TGM6: variants seen among roughly 807,000 people sequenced by gnomAD.
TGM6 encodes protein-glutamine gamma-glutamyltransferase 6.
TGM6 carries 74 observed loss-of-function variants against 77.5 expected under a neutral mutation model. The ratio of observed to expected loss-of-function variants is 0.96; its 90% CI spans 0.79 to 1.16. The LOEUF is 1.16. Among genes scored for constraint, TGM6 ranks in the 50% most tolerant of loss-of-function variants. The pLI is 0.00. For synonymous variants in TGM6, 383 were observed against 378.9 expected (o/e 1.01, Z -0.12); for missense variants, 968 against 940.2 (o/e 1.03, Z -0.39).
chr20:2,396,820 C>A (rs542498371), intron 4 of TGM6, among the ~76,000 whole-genome samples, 196 bp downstream of exon 4: 5 of 152,168 alleles, frequency 3.3e-5, no homozygotes, highest in South Asian at 2.1e-4. Context: ...AGGGGAGGTG[C>A]TTTGGACAAG....
At chr20:2,408,006 A>G (rs2084763246) in intron 9 of TGM6, among the ~76,000 whole-genome samples, 2 of 152,198 alleles carry the variant, frequency 1.3e-5, no homozygotes. Context: ...CGACCAGGGC[A>G]GAAGGTATCA....
intron 1 of TGM6, among the ~76,000 whole-genome samples, chr20:2,381,963 T>C (rs972281550): frequency 5.2e-5 from 7 of 135,084 alleles, no homozygotes; most frequent in Non-Finnish European, 1.1e-4. Context: ...GACCTCAATA[T>C]AGTGAGCAGC....
At position 2,431,042 on chromosome 20, in the gene TGM6, G is replaced by T. The variant is rs2084920806; in HGVS notation, c.1967+15G>T. The T allele has an allele frequency of 1.9e-6, 3 of 1,612,866 alleles. No homozygotes were observed. The highest frequency in any genetic ancestry group is 2.7e-5 in the African/African-American group (2 of 74,690). ...CTCAGCATCGAGTAAGTGCCAGCCT[G>T]GGGGGCTGGCAGGGAATGGGGCTCT... is the stretch of plus-strand genomic sequence containing the variant. On this transcript the variant is annotated intron_variant, in intron 12 of 12. Transcript: ENST00000202625.
intron 9 of TGM6, among the ~76,000 whole-genome samples, chr20:2,415,772 C>T (rs545275555): frequency 2.6e-5 from 4 of 152,116 alleles, no homozygotes; most frequent in Non-Finnish European, 5.9e-5. Context: ...TGCTGCTGCG[C>T]AGTTGGTGGG....
At chr20:2,395,957 G>T (rs532586476) in intron 3 of TGM6, among the ~76,000 whole-genome samples, 5 of 152,136 alleles carry the variant, frequency 3.3e-5, no homozygotes, top group African/African-American at 1.2e-4. Context: ...AAGGCAGGGG[G>T]ATCACCTGAG....
rs1393287173 is a variant in TGM6, at chr20:2,430,556, C to T, written c.1789C>T (p.Leu597=). The T allele has an allele frequency of 1.2e-6, 2 of 1,614,100 alleles. No individual in the cohort carries two copies. Among genetic ancestry groups the T allele is most frequent in the Admixed American group, 3.3e-5 (2 of 60,010 alleles). Residue 597 remains leucine (L), a synonymous_variant, in exon 11 of 13, where the codon CTG becomes TTG. Transcript: ENST00000202625. The part of the protein sequence containing the change: ...MCLVTKGEKL[L]VEKDITLEDF... Reference sequence around the variant, plus strand: ...CCTTGTCACCAAAGGAGAGAAGCTTCTGGTGGAGAAGGACATTACTCTAGA... The same window carrying T: ...CCTTGTCACCAAAGGAGAGAAGCTTTTGGTGGAGAAGGACATTACTCTAGA...
intron 9 of TGM6, among the ~76,000 whole-genome samples, chr20:2,406,807 C>T (rs1176524191): frequency 8.2e-6 from 1 of 121,518 alleles, no homozygotes; most frequent in Non-Finnish European, 1.7e-5. Context: ...GCACTCCACC[C>T]TCAGCAACAA....
At chr20:2,406,831 CAAAAAAAAAAAAAAA>C (rs3050731) in intron 9 of TGM6, among the ~76,000 whole-genome samples, 10 of 63,710 alleles carry the variant, frequency 1.6e-4, no homozygotes, top group Non-Finnish European at 1.3e-4. Flanking sequence ...CGAAACTCCT[CAAAAAAAAAAAAAAA>C]AAAAAAAAAA....
At chr20:2,403,359 C>T in intron 7 of TGM6, 38 bp from the exon 8 acceptor site, 2 of 1,611,100 alleles carry the variant, frequency 1.2e-6, no homozygotes, top group South Asian at 1.1e-5. Context: ...CCTATGCCCT[C>T]ACTCTAGGCA....
At chr20:2,415,805 G>T (rs2084812307) in intron 9 of TGM6, among the ~76,000 whole-genome samples, 1 of 152,170 alleles carries the variant, frequency 6.6e-6, no homozygotes, top group African/African-American at 2.4e-5. Flanking sequence ...TGAGGCACCT[G>T]TGAGACACCT....
At chr20:2,390,838 G>A (rs1251415379) in intron 1 of TGM6, among the ~76,000 whole-genome samples, 1 of 152,130 alleles carries the variant, frequency 6.6e-6, no homozygotes, top group African/African-American at 2.4e-5. Flanking sequence ...TCTGAAAGGA[G>A]AGTGATCCAC....
intron 10 of TGM6, among the ~76,000 whole-genome samples, chr20:2,421,641 T>C (rs1193163923): frequency 1.3e-5 from 2 of 152,238 alleles, no homozygotes; most frequent in Admixed American, 1.3e-4. Flanking sequence ...ATTTTCTCAT[T>C]GCTGGTTTTT....
intron 10 of TGM6, among the ~76,000 whole-genome samples, chr20:2,418,381 T>G (rs2084833096): frequency 6.6e-6 from 1 of 152,214 alleles, no homozygotes. Context: ...CCAGCCACCT[T>G]GTGTGTGGTA....
chr20:2,416,422 C>A (rs1187609395), intron 9 of TGM6, among the ~76,000 whole-genome samples: 1 of 152,146 alleles, frequency 6.6e-6, no homozygotes, highest in African/African-American at 2.4e-5. Flanking sequence ...TAAAAATAGT[C>A]TTTTCAATAA....
chr20:2,412,274 A>G (rs900278611), intron 9 of TGM6, among the ~76,000 whole-genome samples: 5 of 152,190 alleles, frequency 3.3e-5, no homozygotes, highest in Admixed American at 2.6e-4. Flanking sequence ...TCTATGAAGT[A>G]CCTAGAGTAG....
At chr20:2,432,379 G>C in intron 12 of TGM6, 111 bp from the exon 13 acceptor site, 2 of 1,396,110 alleles carry the variant, frequency 1.4e-6, no homozygotes, top group Non-Finnish European at 2.0e-6. Context: ...TGAATGTCAA[G>C]CCACAAGGTG....
intron 1 of TGM6, among the ~76,000 whole-genome samples, chr20:2,383,016 G>A (rs1225192034): frequency 1.3e-5 from 2 of 152,188 alleles, no homozygotes; most frequent in Non-Finnish European, 2.9e-5. Flanking sequence ...ACATTGGGTT[G>A]GAGTTGATGA....
chr20:2,423,380 A>G (rs991583208), intron 10 of TGM6, among the ~76,000 whole-genome samples: 2 of 152,070 alleles, frequency 1.3e-5, no homozygotes, highest in East Asian at 1.9e-4. Context: ...AATATTCAAA[A>G]TCTTTTGTTG....
chr20:2,413,250 A>G (rs2084795428), intron 9 of TGM6, among the ~76,000 whole-genome samples: 1 of 152,158 alleles, frequency 6.6e-6, no homozygotes, highest in Non-Finnish European at 1.5e-5. Flanking sequence ...CTTCATCTCT[A>G]CAAAAACTTT....
Sources: allele counts gnomAD v4.1 joint callset (sites outside exome capture counted in the v4.1 genomes callset), GRCh38; gene constraint gnomAD v4.1.1; transcripts MANE v1.5; gene names NCBI Gene and HGNC (gene_info 2026-07-23, HGNC 2026-07-21).